Variants in MYRIP observed in about 807,000 individuals in gnomAD.
The protein encoded by MYRIP is myosin VIIA and Rab interacting protein, also known as rab effector MyRIP.
In MYRIP, 49 loss-of-function variants were observed where a neutral mutation model predicts 98.0. The ratio of observed to expected loss-of-function variants is 0.50; its 90% CI spans 0.40 to 0.63. MYRIP has a LOEUF of 0.63. Among genes scored for constraint, MYRIP ranks in the 30% least tolerant of loss-of-function variants. MYRIP has a pLI of 0.00. For missense variants in MYRIP, 1,004 were observed against 1,058.2 expected (o/e 0.95, Z 0.71); for synonymous variants, 404 against 409.5 (o/e 0.99, Z 0.16).
intron 2 of MYRIP, among the ~76,000 whole-genome samples, chr3:39,913,543 T>A (rs931081944): frequency 3.3e-5 from 5 of 152,168 alleles, no homozygotes; most frequent in African/African-American, 1.2e-4. Flanking sequence ...AAACTCAGCT[T>A]TTATATACTC....
intron 3 of MYRIP, among the ~76,000 whole-genome samples, chr3:40,106,453 T>G (rs1006672500): frequency 2.0e-5 from 3 of 152,338 alleles, no homozygotes; most frequent in Admixed American, 6.5e-5. Context: ...GTATTTATTT[T>G]GGGCTTTGTT....
intron 3 of MYRIP, among the ~76,000 whole-genome samples, chr3:40,052,460 G>T (rs961553292): frequency 6.6e-6 from 1 of 152,084 alleles, no homozygotes; most frequent in Non-Finnish European, 1.5e-5. Context: ...CTAAGAATAT[G>T]CACAAGTTAA....
At chr3:40,138,896 G>A (rs1949837251) in intron 3 of MYRIP, among the ~76,000 whole-genome samples, 1 of 152,098 alleles carries the variant, frequency 6.6e-6, no homozygotes, top group African/African-American at 2.4e-5. Flanking sequence ...TCCTACTGTG[G>A]TATAGAACAC....
intron 2 of MYRIP, among the ~76,000 whole-genome samples, chr3:40,023,559 G>A (rs1338142114): frequency 6.6e-6 from 1 of 152,068 alleles, no homozygotes; most frequent in African/African-American, 2.4e-5. Flanking sequence ...ACTGCAAGAA[G>A]GAACCAAGCC....
intron 2 of MYRIP, among the ~76,000 whole-genome samples, chr3:39,969,124 T>A (rs537779940): frequency 6.6e-6 from 1 of 152,298 alleles, no homozygotes; most frequent in South Asian, 2.1e-4. Flanking sequence ...TGGTGCTCAG[T>A]TTGGCTATTG....
intron 1 of MYRIP, among the ~76,000 whole-genome samples, chr3:39,873,727 T>G (rs1207170566): frequency 1.3e-5 from 2 of 150,918 alleles, no homozygotes; most frequent in South Asian, 4.2e-4. Flanking sequence ...TACCATGCTG[T>G]TTTGGTTACT....
At chr3:39,891,884 C>A (rs974635877) in intron 1 of MYRIP, among the ~76,000 whole-genome samples, 5 of 150,664 alleles carry the variant, frequency 3.3e-5, no homozygotes, top group African/African-American at 1.2e-4. Flanking sequence ...AACCATTTTT[C>A]TTATGTTACA....
chr3:40,025,024 A>G (rs1384210814), intron 2 of MYRIP, among the ~76,000 whole-genome samples: 1 of 152,216 alleles, frequency 6.6e-6, no homozygotes, highest in African/African-American at 2.4e-5. Flanking sequence ...TTGCCAAAAA[A>G]AGAAACCAAG....
chr3:40,035,067 C>T (rs1390789445), intron 2 of MYRIP, among the ~76,000 whole-genome samples: 3 of 103,976 alleles, frequency 2.9e-5, no homozygotes, highest in Non-Finnish European at 5.3e-5. Flanking sequence ...ACTCTGGGGA[C>T]TGTTATGGGG....
At chr3:39,865,454 A>C (rs1220739727) in intron 1 of MYRIP, among the ~76,000 whole-genome samples, 1 of 152,190 alleles carries the variant, frequency 6.6e-6, no homozygotes, top group Non-Finnish European at 1.5e-5. Flanking sequence ...TCCAGCATCT[A>C]TAAGGAACTT....
At chr3:40,084,064 G>A (rs11708486) in intron 3 of MYRIP, among the ~76,000 whole-genome samples, 34,522 of 143,246 alleles carry the variant, frequency 0.24, 4,407 homozygotes, top group East Asian at 0.36. Flanking sequence ...GTGAACCCGG[G>A]AGGCGGAACT....
At chr3:39,899,425 A>G (rs1001597280) in intron 1 of MYRIP, among the ~76,000 whole-genome samples, 1 of 151,590 alleles carries the variant, frequency 6.6e-6, no homozygotes, top group African/African-American at 2.4e-5. Context: ...TTATTTATTT[A>G]TTTTTTGCTA....
At chr3:40,184,078 G>A (rs937945708) in intron 9 of MYRIP, among the ~76,000 whole-genome samples, 3 of 152,170 alleles carry the variant, frequency 2.0e-5, no homozygotes, top group African/African-American at 7.2e-5. Flanking sequence ...TATGTATATG[G>A]TGTTTGCTTT....
intron 2 of MYRIP, among the ~76,000 whole-genome samples, chr3:39,919,756 TTGA>T (rs1944266545): frequency 6.7e-6 from 1 of 149,624 alleles, no homozygotes; most frequent in Non-Finnish European, 1.5e-5. Context: ...GAGAAATTCA[TTGA>T]TGACTGTATT....
At chr3:39,844,156 C>A (rs1941892609) in intron 1 of MYRIP, among the ~76,000 whole-genome samples, 1 of 152,216 alleles carries the variant, frequency 6.6e-6, no homozygotes, top group Non-Finnish European at 1.5e-5. Context: ...TCTCCTTATC[C>A]TTGATCTTCC....
At chr3:39,817,173 A>C (rs1200636935) in intron 1 of MYRIP, among the ~76,000 whole-genome samples, 1 of 152,232 alleles carries the variant, frequency 6.6e-6, no homozygotes, top group Non-Finnish European at 1.5e-5. Flanking sequence ...CTAGGTTGAC[A>C]ATCTGCAGAA....
chr3:40,112,797 T>C lies in MYRIP; in HGVS notation c.333-38251T>C, dbSNP rs747781010. ...TCTGTGTGGTAAACAGGCTGCCCTT[T>C]CTGTTTCTAAGCAGGTGGCCTCATG... On this transcript the variant is annotated intron_variant, in intron 3 of 16. Transcript: ENST00000302541. Among the ~76,000 whole-genome samples the C allele has an allele frequency of 3.1e-4, 47 of 152,242 alleles. 3 individuals carry two copies. Among genetic ancestry groups the C allele is most frequent in the South Asian group, 2.1e-4 (1 of 4,836 alleles).
intron 3 of MYRIP, among the ~76,000 whole-genome samples, chr3:40,079,540 C>T (rs1948428521): frequency 6.6e-6 from 1 of 152,226 alleles, no homozygotes; most frequent in Non-Finnish European, 1.5e-5. Context: ...TTTCAGAGCA[C>T]ACATGAGTGC....
intron 3 of MYRIP, among the ~76,000 whole-genome samples, chr3:40,146,702 T>C (rs1427467647): frequency 6.6e-6 from 1 of 152,062 alleles, no homozygotes; most frequent in Non-Finnish European, 1.5e-5. Flanking sequence ...CCTGCATGAA[T>C]ACACACACAC....
Sources: gnomAD v4.1 joint callset for allele counts (sites outside exome capture counted in the v4.1 genomes callset) on GRCh38, gnomAD v4.1.1 for gene constraint, MANE v1.5 for transcripts, NCBI Gene and HGNC (gene_info 2026-07-23, HGNC 2026-07-21) for gene names.